LPL: variants seen among roughly 807,000 people sequenced by gnomAD.
LPL encodes phospholipase A1.
LPL carries 43 observed loss-of-function variants against 52.2 expected under a neutral mutation model. The ratio of observed to expected loss-of-function variants is 0.82; its 90% CI spans 0.64 to 1.06. The LOEUF is 1.06. Ranked by LOEUF, LPL falls within the 50% of genes least tolerant of loss-of-function variation. The pLI is 0.00. For missense variants in LPL, 639 were observed against 585.3 expected, an observed-to-expected ratio of 1.09 and a Z score of -0.95; for synonymous variants, 244 against 215.6, an observed-to-expected ratio of 1.13 and a Z score of -1.15.
rs1453156666 is a variant in LPL, at chr8:19,967,043, A to G, written c.*1733A>G. ...TTATTAGCTGTAAATACATGTGTGG[A>G]TGTGTAAATGGAGCTTGTACATATT... On this transcript the variant is annotated 3_prime_UTR_variant, in exon 10 of 10. Transcript: ENST00000650287. 6.6e-6 allele frequency: 1 copy of G among 152,606 alleles called. No individual in the cohort carries two copies. Among genetic ancestry groups the G allele is most frequent in the Non-Finnish European group, 1.5e-5 (1 of 68,030 alleles). 9.5% of individuals were successfully genotyped at this position (152,606 alleles called of 1,614,324 possible).
Position 19,953,306 on chromosome 8 carries a change from A to G in LPL, c.430-4A>G, listed in dbSNP as rs1392747343. ...AGCACCTTCATTTTCTTTTTCTTCC[A>G]AAGGAGGAGTTTAACTACCCTCTGG... is the stretch of plus-strand genomic sequence containing the variant. On this transcript the variant is annotated splice_polypyrimidine_tract_variant and splice_region_variant and intron_variant, in intron 3 of 9. Coordinates refer to ENST00000650287, the MANE Select transcript of LPL (RefSeq NM_000237.3). 1 of 1,587,010 alleles carries G rather than the reference A, an allele frequency of 6.3e-7. No individual in the cohort carries two copies. Among genetic ancestry groups the G allele is most frequent in the Non-Finnish European group, 8.7e-7 (1 of 1,155,380 alleles).
In LPL at chr8:19,966,415, C is replaced by G. The variant is rs1394296732; in HGVS notation, c.*1105C>G. The G allele has an allele frequency of 6.6e-6, 1 of 152,132 alleles. No homozygotes were observed. Among genetic ancestry groups the G allele is most frequent in the African/African-American group, 2.4e-5 (1 of 41,434 alleles). The allele number at this position is 152,132 out of a possible 1,614,324, so 9.4% of individuals were successfully genotyped here. A position where few individuals can be genotyped will look rare whatever the true frequency, so the allele number is the denominator to read the frequency against. ...TTCCTAAGCAGTGCTTGTAAACCAT[C>G]GCGTGCAATGAGCCAGATGGAGTAC... On this transcript the variant is annotated 3_prime_UTR_variant, in exon 10 of 10. Coordinates refer to ENST00000650287, the MANE Select transcript of LPL (RefSeq NM_000237.3).
Position 19,965,759 on chromosome 8 carries a change from G to GATA in LPL, c.*449_*450insATA. On this transcript the variant is annotated 3_prime_UTR_variant, in exon 10 of 10. Coordinates refer to ENST00000650287, the MANE Select transcript of LPL (RefSeq NM_000237.3). ...CCAAGAATACAGAAAATGCTTTTCC[G>GATA]CGGCACGAATCAGACTCATCTACAC... 2 of 162,550 alleles carry GATA rather than the reference G, an allele frequency of 1.2e-5. No homozygotes were observed. Among genetic ancestry groups the GATA allele is most frequent in the Non-Finnish European group, 1.3e-5 (1 of 74,622 alleles). The allele number at this position is 162,550 out of a possible 1,614,324, so 10.1% of individuals were successfully genotyped here. A position where few individuals can be genotyped will look rare whatever the true frequency, so the allele number is the denominator to read the frequency against.
At chr8:19,960,283 AAAT>A (rs2070026497) in intron 7 of LPL, among the ~76,000 whole-genome samples, 1 of 152,200 alleles carries the variant, frequency 6.6e-6, no homozygotes, top group Non-Finnish European at 1.5e-5. Flanking sequence ...CATAGCTACA[AAAT>A]ATTATTACAT....
intron 9 of LPL, among the ~76,000 whole-genome samples, chr8:19,963,319 C>T (rs1199064605): frequency 2.0e-5 from 3 of 151,878 alleles, no homozygotes; most frequent in Non-Finnish European, 4.4e-5. Flanking sequence ...GCCTGTAATC[C>T]CAGCTACTCG....
In LPL at chr8:19,940,828, C is replaced by T. The variant is rs146786419; in HGVS notation, c.88+1300C>T. Among the ~76,000 whole-genome samples, 1,476 of 152,314 alleles carry T rather than the reference C, an allele frequency of 9.7e-3. 23 individuals carry two copies. Among genetic ancestry groups the T allele is most frequent in the African/African-American group, 0.033 (1,382 of 41,580 alleles). ...AAAGTTGGCAGGGAGCAGTGGCTCA[C>T]CCATGTAGTCCCAGCACTTCGGGAG... On this transcript the variant is annotated intron_variant, in intron 1 of 9. Transcript: ENST00000650287.
intron 1 of LPL, among the ~76,000 whole-genome samples, chr8:19,942,229 G>T (rs954042327): frequency 5.3e-5 from 8 of 152,176 alleles, no homozygotes; most frequent in African/African-American, 1.9e-4. Flanking sequence ...AGAGTTTACT[G>T]CCTTATGCCA....
chr8:19,951,625 T>C, intron 2 of LPL, 144 bp from the exon 3 acceptor site: 1 of 906,834 alleles, frequency 1.1e-6, no homozygotes. Flanking sequence ...CTCTGAACAC[T>C]GTTCTGTTAT....
Position 19,944,946 on chromosome 8 carries a change from C to T in LPL, c.89-3234C>T, listed in dbSNP as rs1396635065. ...GCTAAGTTAAATTCAGAATGAAGGC[C>T]TGCCTTTCCTTCCCTCCTTCCTTCC... On this transcript the variant is annotated intron_variant, in intron 1 of 9. Coordinates refer to ENST00000650287, the MANE Select transcript of LPL (RefSeq NM_000237.3). The surrounding 1 kb of genome is among the most constrained non-coding windows in gnomAD (Gnocchi z 4.2). 1.3e-5 allele frequency among the ~76,000 whole-genome samples: 2 copies of T among 151,990 alleles called. No homozygotes were observed. The highest frequency in any genetic ancestry group is 3.9e-4 in the East Asian group (2 of 5,174).
chr8:19,939,316 C>G lies in LPL; in HGVS notation c.-125C>G. 2.5e-6 allele frequency: 2 copies of G among 807,706 alleles called. No homozygotes were observed. The highest frequency in any genetic ancestry group is 2.1e-5 in the Admixed American group (1 of 47,336). The allele number at this position is 807,706 out of a possible 1,614,324, so 50.0% of individuals were successfully genotyped here. On this transcript the variant is annotated 5_prime_UTR_variant, in exon 1 of 10. Transcript: ENST00000650287. The surrounding 1 kb of genome is among the most constrained non-coding windows in gnomAD (Gnocchi z 4.0). The stretch of plus-strand genomic sequence containing the variant: ...AAGCTGCCCACTTCTAGCTGCCCTG[C>G]CATCCCCTTTAAAGGGCGACTTGCT...
chr8:19,961,550 C>T (rs1467038997), intron 8 of LPL, among the ~76,000 whole-genome samples: 1 of 152,160 alleles, frequency 6.6e-6, no homozygotes, highest in East Asian at 1.9e-4. Context: ...ACAGAGATCG[C>T]TATAGGATTT....
At position 19,944,454 on chromosome 8, in the gene LPL, A is replaced by G. The variant is rs2069866668; in HGVS notation, c.89-3726A>G. On this transcript the variant is annotated intron_variant, in intron 1 of 9. Coordinates refer to ENST00000650287, the MANE Select transcript of LPL (RefSeq NM_000237.3). This position sits in a 1 kb window ranked among gnomAD's most constrained non-coding sequence, Gnocchi z 4.2. The stretch of plus-strand genomic sequence containing the variant: ...CTGTAGGAGTGAGAGAAAAGGGGGG[A>G]GAGAGAGAGAAAGGGGTGGGGGGAT... Among the ~76,000 whole-genome samples, 2 of 135,108 alleles carry G rather than the reference A, an allele frequency of 1.5e-5. No homozygotes were observed. Among genetic ancestry groups the G allele is most frequent in the South Asian group, 2.8e-4 (1 of 3,604 alleles). The allele number at this position is 135,108 out of a possible 152,430, so 88.6% of individuals were successfully genotyped here. A position where few individuals can be genotyped will look rare whatever the true frequency, so the allele number is the denominator to read the frequency against.
At chr8:19,959,944 A>G (rs307) in intron 7 of LPL, among the ~76,000 whole-genome samples, 5,471 of 151,826 alleles carry the variant, frequency 0.036, 331 homozygotes, top group African/African-American at 0.12. Context: ...GCCCACCACC[A>G]TGCCCAGCTA....
intron 7 of LPL, among the ~76,000 whole-genome samples, chr8:19,960,643 ATGAT>A (rs1306444688): frequency 1.1e-4 from 16 of 152,350 alleles, no homozygotes; most frequent in African/African-American, 3.6e-4. Flanking sequence ...ATATTTCTGA[ATGAT>A]TGACTTCAGG....
At chr8:19,952,781 T>C (rs759641045) in intron 3 of LPL, among the ~76,000 whole-genome samples, 6 of 152,202 alleles carry the variant, frequency 3.9e-5, no homozygotes, top group Admixed American at 2.6e-4. Context: ...CCACTGAATG[T>C]TTCCTGAGTC....
intron 2 of LPL, 90 bp downstream of exon 2, chr8:19,948,430 G>C: frequency 1.7e-5 from 23 of 1,383,132 alleles, no homozygotes; most frequent in Non-Finnish European, 2.3e-5. Flanking sequence ...TGATGGGTCC[G>C]CACCCCACAT....
Position 19,950,969 on chromosome 8 carries a change from G to C in LPL, c.250-800G>C, listed in dbSNP as rs1447417677. On this transcript the variant is annotated intron_variant, in intron 2 of 9. Coordinates refer to ENST00000650287, the MANE Select transcript of LPL (RefSeq NM_000237.3). This position sits in a 1 kb window ranked among gnomAD's most constrained non-coding sequence, Gnocchi z 4.2. ...AGAAAGGAAGGAAGAACAAAGAAAA[G>C]AGAAACACTGGTAGTACAGAAAAAC... is the stretch of plus-strand genomic sequence containing the variant. Among the ~76,000 whole-genome samples the C allele has an allele frequency of 6.6e-6, 1 of 152,092 alleles. No individual in the cohort carries two copies. Among genetic ancestry groups the C allele is most frequent in the South Asian group, 2.1e-4 (1 of 4,826 alleles).
At position 19,939,400 on chromosome 8, in the gene LPL, G is replaced by T. The variant is rs778646681; in HGVS notation, c.-41G>T. ...CTCCGGCTCAGCCGGCTCATCAGTC[G>T]GTCCGCGCCTTGCAGCTCCTCCAGA... On this transcript the variant is annotated 5_prime_UTR_variant, in exon 1 of 10. Coordinates refer to ENST00000650287, the MANE Select transcript of LPL (RefSeq NM_000237.3). This position sits in a 1 kb window ranked among gnomAD's most constrained non-coding sequence, Gnocchi z 4.0. 1.9e-6 allele frequency: 3 copies of T among 1,564,730 alleles called. No individual in the cohort carries two copies. In the East Asian group the frequency reaches 7.0e-5, roughly 37 times the overall value.
intron 6 of LPL, among the ~76,000 whole-genome samples, chr8:19,957,396 A>T (rs2069995257): frequency 6.6e-6 from 1 of 152,202 alleles, no homozygotes; most frequent in South Asian, 2.1e-4. Context: ...GAATCTGTAG[A>T]GGTGTCTTTC....
Sources: gnomAD v4.1 joint callset for allele counts (sites outside exome capture counted in the v4.1 genomes callset) on GRCh38, gnomAD v4.1.1 for gene constraint, Gnocchi (gnomAD v3.1) non-coding constraint, MANE v1.5 for transcripts, NCBI Gene and HGNC (gene_info 2026-07-23, HGNC 2026-07-21) for gene names.